The following ST6GALNAC3 variants were observed in gnomAD, a reference collection of about 807,000 sequenced individuals.
ST6GALNAC3 encodes alpha-N-acetylgalactosaminide alpha-2,6-sialyltransferase 3.
Under a neutral mutation model 32.7 loss-of-function variants are expected in ST6GALNAC3, and 25 were observed. The ratio of observed to expected loss-of-function variants is 0.76; its 90% CI spans 0.56 to 1.07. ST6GALNAC3 has a LOEUF of 1.07. Among genes scored for constraint, ST6GALNAC3 ranks in the 50% least tolerant of loss-of-function variants. The pLI is 0.00. For missense variants in ST6GALNAC3, 355 were observed against 382.4 expected (o/e 0.93, Z 0.60); for synonymous variants, 129 against 133.1 (o/e 0.97, Z 0.21).
intron 2 of ST6GALNAC3, among the ~76,000 whole-genome samples, chr1:76,410,725 G>A (rs920957707): frequency 1.3e-5 from 2 of 152,110 alleles, no homozygotes; most frequent in African/African-American, 4.8e-5. Context: ...ACAGTTGTAT[G>A]ATGACTAACT....
intron 1 of ST6GALNAC3, among the ~76,000 whole-genome samples, chr1:76,113,532 T>A (rs534841290): frequency 2.0e-5 from 3 of 152,176 alleles, no homozygotes; most frequent in African/African-American, 7.2e-5. Context: ...TTTTCTGTTT[T>A]TTTTTTTCCA....
intron 3 of ST6GALNAC3, among the ~76,000 whole-genome samples, chr1:76,544,661 TG>T (rs1310874047): frequency 1.3e-5 from 2 of 152,128 alleles, no homozygotes; most frequent in Non-Finnish European, 2.9e-5. Context: ...AGGTTCCTTT[TG>T]GGGCTTGTTA....
intron 3 of ST6GALNAC3, among the ~76,000 whole-genome samples, chr1:76,423,773 T>C (rs1453154567): frequency 2.0e-5 from 3 of 152,034 alleles, no homozygotes; most frequent in African/African-American, 7.2e-5. Context: ...AAAATACTTC[T>C]CTACACAGTT....
chr1:76,335,456 C>T (rs1474282368), intron 2 of ST6GALNAC3, among the ~76,000 whole-genome samples: 1 of 148,414 alleles, frequency 6.7e-6, no homozygotes, highest in Admixed American at 6.6e-5. Context: ...CACACACACA[C>T]ACTCACACTC....
rs1265458507 is a variant in ST6GALNAC3 at position 76,160,577 on chromosome 1, A to G, written c.18+85693A>G. 3.3e-5 allele frequency among the ~76,000 whole-genome samples: 5 copies of G among 152,328 alleles called. No homozygotes were observed. In the South Asian group the frequency reaches 6.2e-4, roughly 19 times the overall value. Reference sequence around the variant, plus strand: ...GTGCCTGTTGATATAGGAGGCACCCATCTTACTCTCTAACGGTGTTCTACA... The same window carrying G: ...GTGCCTGTTGATATAGGAGGCACCCGTCTTACTCTCTAACGGTGTTCTACA... On this transcript the variant is annotated intron_variant, in intron 1 of 4. Coordinates refer to ENST00000328299, the MANE Select transcript of ST6GALNAC3 (RefSeq NM_152996.4).
At chr1:76,460,113 G>A (rs1021302641) in intron 3 of ST6GALNAC3, among the ~76,000 whole-genome samples, 1 of 152,110 alleles carries the variant, frequency 6.6e-6, no homozygotes, top group African/African-American at 2.4e-5. Context: ...AACGTTGAAG[G>A]TTCAAATTTC....
At chr1:76,410,766 A>G (rs777340124) in intron 2 of ST6GALNAC3, among the ~76,000 whole-genome samples, 1 of 152,096 alleles carries the variant, frequency 6.6e-6, no homozygotes. Context: ...CTTACCTCTC[A>G]GTGTAGTTAT....
chr1:76,194,957 A>G (rs1654113302), intron 1 of ST6GALNAC3, among the ~76,000 whole-genome samples: 1 of 152,238 alleles, frequency 6.6e-6, no homozygotes, highest in Non-Finnish European at 1.5e-5. Context: ...TCATTTGAAA[A>G]TATCAGTTCA....
intron 1 of ST6GALNAC3, among the ~76,000 whole-genome samples, chr1:76,268,494 C>T (rs532024747): frequency 6.6e-6 from 1 of 152,190 alleles, no homozygotes; most frequent in Admixed American, 6.5e-5. Context: ...GCCTTTCCCT[C>T]CAGCCCCCAC....
intron 3 of ST6GALNAC3, among the ~76,000 whole-genome samples, chr1:76,588,137 A>T (rs1646990471): frequency 6.6e-6 from 1 of 152,132 alleles, no homozygotes; most frequent in African/African-American, 2.4e-5. Context: ...TCCCCTAAAG[A>T]CATCCTAAAA....
intron 1 of ST6GALNAC3, among the ~76,000 whole-genome samples, chr1:76,249,874 A>G (rs56401231): frequency 0.036 from 5,425 of 152,148 alleles, 203 homozygotes; most frequent in African/African-American, 0.091. Flanking sequence ...ACATCTTTTC[A>G]TGTGTTTATT....
At chr1:76,430,770 G>A (rs12073733) in intron 3 of ST6GALNAC3, among the ~76,000 whole-genome samples, 5,120 of 152,182 alleles carry the variant, frequency 0.034, 286 homozygotes, top group African/African-American at 0.12. Flanking sequence ...TCATCTCTCT[G>A]TGCAGAGTTC....
At chr1:76,392,384 A>G (rs1157245111) in intron 2 of ST6GALNAC3, among the ~76,000 whole-genome samples, 1 of 152,264 alleles carries the variant, frequency 6.6e-6, no homozygotes, top group Non-Finnish European at 1.5e-5. Context: ...ATAGATAGAA[A>G]GTAAACATCT....
At chr1:76,175,291 T>C (rs144263081) in intron 1 of ST6GALNAC3, among the ~76,000 whole-genome samples, 1 of 152,320 alleles carries the variant, frequency 6.6e-6, no homozygotes, top group Admixed American at 6.5e-5. Context: ...TTGGGAGTAC[T>C]TGTTTTTTCC....
At chr1:76,301,091 T>C (rs1201213868) in intron 1 of ST6GALNAC3, among the ~76,000 whole-genome samples, 2 of 152,194 alleles carry the variant, frequency 1.3e-5, no homozygotes, top group East Asian at 1.9e-4. Context: ...ATTTTCATAA[T>C]GACCCTTTGG....
At chr1:76,124,465 A>G (rs544105225) in intron 1 of ST6GALNAC3, among the ~76,000 whole-genome samples, 76 of 152,236 alleles carry the variant, frequency 5.0e-4, no homozygotes, top group African/African-American at 1.8e-3. Flanking sequence ...ACCTTGCGCA[A>G]TGTAGTCTGT....
intron 3 of ST6GALNAC3, among the ~76,000 whole-genome samples, chr1:76,488,998 G>C (rs1259570924): frequency 2.0e-5 from 3 of 152,096 alleles, no homozygotes; most frequent in Non-Finnish European, 4.4e-5. Flanking sequence ...GGAAGCAATT[G>C]CTTGTTTGCT....
intron 1 of ST6GALNAC3, among the ~76,000 whole-genome samples, chr1:76,226,103 C>T (rs1656054291): frequency 6.6e-6 from 1 of 152,100 alleles, no homozygotes; most frequent in Admixed American, 6.6e-5. Context: ...TGAATGATTC[C>T]AGTGAAAGTA....
chr1:76,442,466 C>G (rs1656679293), intron 3 of ST6GALNAC3, among the ~76,000 whole-genome samples: 1 of 152,176 alleles, frequency 6.6e-6, no homozygotes, highest in African/African-American at 2.4e-5. Flanking sequence ...CATGACAGTT[C>G]AGAGGTGATT....
Sources: gnomAD v4.1 joint callset for allele counts (sites outside exome capture counted in the v4.1 genomes callset) on GRCh38, gnomAD v4.1.1 for gene constraint, MANE v1.5 for transcripts, NCBI Gene and HGNC (gene_info 2026-07-23, HGNC 2026-07-21) for gene names.